ZDHHC11: variants seen among roughly 807,000 people sequenced by gnomAD.
ZDHHC11 encodes the protein palmitoyltransferase ZDHHC11.
In ZDHHC11, 44 loss-of-function variants were observed where a neutral mutation model predicts 51.3. The ratio of observed to expected loss-of-function variants is 0.86; its 90% CI spans 0.67 to 1.10. ZDHHC11 has a LOEUF of 1.10. Among genes scored for constraint, ZDHHC11 ranks in the 50% least tolerant of loss-of-function variants. The pLI, the probability that ZDHHC11 is intolerant of heterozygous loss-of-function variation, is 0.00. For missense variants in ZDHHC11, 400 were observed against 537.7 expected, an observed-to-expected ratio of 0.74 and a Z score of 2.53; for synonymous variants, 163 against 222.0, an observed-to-expected ratio of 0.73 and a Z score of 2.36.
At chr5:828,325 A>G (rs530847504) in intron 7 of ZDHHC11, among the ~76,000 whole-genome samples, 1 of 149,728 alleles carries the variant, frequency 6.7e-6, no homozygotes, top group South Asian at 2.1e-4. Context: ...GGGCGGAGGC[A>G]CCCCCCACCT....
At chr5:802,679 A>G (rs1420697473) in intron 11 of ZDHHC11, among the ~76,000 whole-genome samples, 2 of 150,226 alleles carry the variant, frequency 1.3e-5, no homozygotes, top group African/African-American at 4.9e-5. Flanking sequence ...GTGCTTGAAG[A>G]AAGGAGAAGC....
chr5:838,268 A>G (rs1316231145), intron 5 of ZDHHC11, among the ~76,000 whole-genome samples: 1 of 151,976 alleles, frequency 6.6e-6, no homozygotes, highest in Non-Finnish European at 1.5e-5. Context: ...ACACCCGTTT[A>G]TCTAAAAGAG....
intron 12 of ZDHHC11, among the ~76,000 whole-genome samples, chr5:798,245 G>T (rs1403304100): frequency 6.6e-6 from 1 of 151,180 alleles, no homozygotes; most frequent in Non-Finnish European, 1.5e-5. Context: ...AGTTGACCAG[G>T]TTTCACAAAT....
rs148060789 is a variant in ZDHHC11, at chr5:799,235, C to T, written c.*7+1865G>A. On this transcript the variant is annotated intron_variant, in intron 12 of 12. Transcript: ENST00000283441. ...TAACGAACCCATGAGACCTTGTTGTCGAAAAGGGCCTGGAGCCTCCCCCAG... is the reference window on the plus strand; with the variant it reads ...TAACGAACCCATGAGACCTTGTTGTTGAAAAGGGCCTGGAGCCTCCCCCAG... 1.0e-3 allele frequency among the ~76,000 whole-genome samples: 150 copies of T among 146,418 alleles called. 4 individuals are homozygous for T. Among genetic ancestry groups the T allele is most frequent in the Admixed American group, 6.8e-3 (100 of 14,776 alleles).
intron 11 of ZDHHC11, among the ~76,000 whole-genome samples, chr5:804,283 C>T (rs1720922523): frequency 6.6e-6 from 1 of 151,256 alleles, no homozygotes; most frequent in African/African-American, 2.4e-5. Flanking sequence ...CTTTGTCCAG[C>T]ATATCCATGC....
chr5:845,903 C>CTG (rs1284677473), intron 3 of ZDHHC11, among the ~76,000 whole-genome samples: 2 of 150,024 alleles, frequency 1.3e-5, no homozygotes, highest in East Asian at 3.9e-4. Context: ...TCTCCAGCAC[C>CTG]CCTCCTGAGG....
At chr5:854,180 G>A (rs532581610), upstream of ZDHHC11, among the ~76,000 whole-genome samples, 121 of 137,084 alleles carry the variant, frequency 8.8e-4, no homozygotes, top group Middle Eastern at 5.8e-3. Context: ...AGAGGACAGC[G>A]AGCCGGGGGG....
chr5:795,611 T>C lies in ZDHHC11; in HGVS notation c.*977A>G, dbSNP rs1737461542. 1 of 152,234 alleles carries C rather than the reference T, an allele frequency of 6.6e-6. No individual in the cohort carries two copies. Among genetic ancestry groups the C allele is most frequent in the Non-Finnish European group, 1.5e-5 (1 of 67,790 alleles). The allele number at this position is 152,234 out of a possible 1,614,324, so 9.4% of individuals were successfully genotyped here. A position where few individuals can be genotyped will look rare whatever the true frequency, so the allele number is the denominator to read the frequency against. On this transcript the variant is annotated 3_prime_UTR_variant, in exon 13 of 13. Coordinates refer to ENST00000283441, the MANE Select transcript of ZDHHC11 (RefSeq NM_024786.3). ...AAACACAAAAACAGCCCAATGCACGTAGTAACTTATAGATATATTTGGAAA... is the reference window on the plus strand; with the variant it reads ...AAACACAAAAACAGCCCAATGCACGCAGTAACTTATAGATATATTTGGAAA...
chr5:853,087 C>A (rs1398619711), upstream of ZDHHC11, among the ~76,000 whole-genome samples: 1 of 125,058 alleles, frequency 8.0e-6, no homozygotes, highest in Non-Finnish European at 1.6e-5. Flanking sequence ...TGGAGGACAG[C>A]GAGCCAGGGG....
intron 1 of ZDHHC11, among the ~76,000 whole-genome samples, chr5:848,909 C>G (rs1300461630): frequency 3.9e-4 from 53 of 134,980 alleles, no homozygotes; most frequent in Admixed American, 3.4e-3. Flanking sequence ...GCACACCCAG[C>G]CCTGCACAGC....
upstream of ZDHHC11, among the ~76,000 whole-genome samples, chr5:851,344 G>A (rs1044375858): frequency 4.6e-5 from 7 of 151,974 alleles, no homozygotes; most frequent in Non-Finnish European, 8.8e-5. Flanking sequence ...TGGGGAGGGC[G>A]GCAGGGGTGG....
intron 11 of ZDHHC11, among the ~76,000 whole-genome samples, chr5:805,248 G>A (rs1310083346): frequency 6.6e-6 from 1 of 151,200 alleles, no homozygotes; most frequent in Non-Finnish European, 1.5e-5. Context: ...GTCCAGCCTG[G>A]CAACATACTG....
chr5:837,056 CA>C (rs200986325), intron 6 of ZDHHC11, among the ~76,000 whole-genome samples: 4 of 131,066 alleles, frequency 3.1e-5, no homozygotes, highest in East Asian at 4.2e-4. Context: ...GACTCTGTCT[CA>C]AAAAAAAAGA....
rs1437797803 is a variant in ZDHHC11, at chr5:818,121, G to C, written c.1146+1404C>G. Reference sequence around the variant, plus strand: ...TGCTGAGCGGATCTTCTCTGCTTCAGACCAGGCCTCATGTGGCTTCACACA... The same window carrying C: ...TGCTGAGCGGATCTTCTCTGCTTCACACCAGGCCTCATGTGGCTTCACACA... On this transcript the variant is annotated intron_variant, in intron 10 of 12. Coordinates refer to ENST00000283441, the MANE Select transcript of ZDHHC11 (RefSeq NM_024786.3). 2.6e-5 allele frequency among the ~76,000 whole-genome samples: 4 copies of C among 151,304 alleles called. 1 individual carries two copies. Among genetic ancestry groups the C allele is most frequent in the Non-Finnish European group, 5.9e-5 (4 of 67,598 alleles).
At chr5:808,106 C>T (rs1218708819) in intron 11 of ZDHHC11, among the ~76,000 whole-genome samples, 1 of 150,378 alleles carries the variant, frequency 6.6e-6, no homozygotes, top group African/African-American at 2.5e-5. Flanking sequence ...GACTGAAAGA[C>T]AAACCCTAGA....
rs138842437 is a variant in ZDHHC11 at position 849,278 on chromosome 5, C to T, written c.223-618G>A. On this transcript the variant is annotated intron_variant, in intron 1 of 12. Transcript: ENST00000283441. ...AAATCCCCCACAGAATGTACCGCAC[C>T]CCCAGAGGCTCAGTCAGCCCAGCCA... is the stretch of plus-strand genomic sequence containing the variant. 1.7e-3 allele frequency among the ~76,000 whole-genome samples: 254 copies of T among 152,240 alleles called. 2 individuals are homozygous for T. Among genetic ancestry groups the T allele is most frequent in the African/African-American group, 5.8e-3 (241 of 41,532 alleles).
chr5:850,174 C>G, intron 1 of ZDHHC11: 1 of 610,480 alleles, frequency 1.6e-6, no homozygotes, highest in Non-Finnish European at 2.8e-6. Flanking sequence ...CCCCCTCAGC[C>G]AACGCTGTCC....
rs1387986341 is a variant in ZDHHC11 at position 850,665 on chromosome 5, T to C, written c.-63A>G. Reference sequence around the variant, plus strand: ...TCCTGGGAGGGCCGGCCCCGCCCACTGTCACAGAGACCAAGGGGACTGGGA... The same window carrying C: ...TCCTGGGAGGGCCGGCCCCGCCCACCGTCACAGAGACCAAGGGGACTGGGA... On this transcript the variant is annotated 5_prime_UTR_variant, in exon 1 of 13. Coordinates refer to ENST00000283441, the MANE Select transcript of ZDHHC11 (RefSeq NM_024786.3). 1 of 1,580,440 alleles carries C rather than the reference T, an allele frequency of 6.3e-7. No homozygotes were observed. Among genetic ancestry groups the C allele is most frequent in the Non-Finnish European group, 8.6e-7 (1 of 1,158,998 alleles).
chr5:800,941 A>G (rs1287159605), intron 12 of ZDHHC11, among the ~76,000 whole-genome samples, 159 bp downstream of exon 12: 1 of 151,340 alleles, frequency 6.6e-6, no homozygotes, highest in African/African-American at 2.4e-5. Context: ...AGATGGACAC[A>G]CGGTTCCTGT....
Sources: allele counts gnomAD v4.1 joint callset (sites outside exome capture counted in the v4.1 genomes callset), GRCh38; gene constraint gnomAD v4.1.1; transcripts MANE v1.5; gene names NCBI Gene and HGNC (gene_info 2026-07-23, HGNC 2026-07-21).